The following PTK2B variants were observed in gnomAD, a reference collection of about 807,000 sequenced individuals.
PTK2B encodes protein tyrosine kinase 2 beta.
PTK2B carries 71 observed loss-of-function variants against 142.9 expected under a neutral mutation model. That is an observed-to-expected ratio of 0.50 (90% CI 0.41 to 0.61). PTK2B has a LOEUF of 0.61. Ranked by LOEUF, PTK2B falls within the 20% of genes least tolerant of loss-of-function variation. PTK2B has a pLI of 0.00. For synonymous variants in PTK2B, 519 were observed against 503.4 expected, an observed-to-expected ratio of 1.03 and a Z score of -0.42; for missense variants, 1,105 against 1,320.4, an observed-to-expected ratio of 0.84 and a Z score of 2.53.
At chr8:27,358,720 C>T (rs1351928073) in intron 1 of PTK2B, among the ~76,000 whole-genome samples, 1 of 151,990 alleles carries the variant, frequency 6.6e-6, no homozygotes, top group Non-Finnish European at 1.5e-5. Flanking sequence ...TTCATCTTTG[C>T]CTTTTCTCAC....
Position 27,362,771 on chromosome 8 carries a change from C to T in PTK2B, c.-37-34777C>T, listed in dbSNP as rs142352892. 1.6e-3 allele frequency among the ~76,000 whole-genome samples: 239 copies of T among 152,328 alleles called. 1 individual carries two copies. Among genetic ancestry groups the T allele is most frequent in the African/African-American group, 4.3e-3 (179 of 41,582 alleles). On this transcript the variant is annotated intron_variant, in intron 1 of 30. Coordinates refer to ENST00000346049, the MANE Select transcript of PTK2B (RefSeq NM_173176.3). ...ATGCAGGCAAAGAGCCGTTACCATG[C>T]AAAATCTAGAACTGTTCCCACGTGA...
At chr8:27,422,754 G>A (rs1446569642) in intron 5 of PTK2B, among the ~76,000 whole-genome samples, 1 of 152,204 alleles carries the variant, frequency 6.6e-6, no homozygotes, top group East Asian at 1.9e-4. Context: ...GTCTATCTGT[G>A]TTGCCCATTG....
At chr8:27,430,211 TC>T in intron 6 of PTK2B, 56 bp downstream of exon 6, 4 of 1,585,698 alleles carry the variant, frequency 2.5e-6, no homozygotes, top group Non-Finnish European at 3.5e-6. Context: ...TGTGTACTTT[TC>T]CTCCTCACCC....
chr8:27,321,352 C>T (rs1005612675), upstream of PTK2B, among the ~76,000 whole-genome samples: 8 of 152,108 alleles, frequency 5.3e-5, no homozygotes, highest in Non-Finnish European at 8.8e-5. Flanking sequence ...GTTGTGTGCA[C>T]GGTCAGAGAC....
chr8:27,347,340 A>G (rs4629818), intron 1 of PTK2B, among the ~76,000 whole-genome samples: 122,747 of 152,032 alleles, frequency 0.81, 50,186 homozygotes, highest in Middle Eastern at 0.87. Context: ...AGATCCACCC[A>G]CCTCGGCCTC....
chr8:27,440,514 A>G (rs1254105643), intron 21 of PTK2B, 73 bp downstream of exon 21: 7 of 1,519,608 alleles, frequency 4.6e-6, no homozygotes, highest in Non-Finnish European at 6.3e-6. Context: ...GCACACAGAG[A>G]GGTTTGCACC....
rs1435836520 is a variant in PTK2B, at chr8:27,363,411, T to G, written c.-37-34137T>G. Among the ~76,000 whole-genome samples, 1 of 152,054 alleles carries G rather than the reference T, an allele frequency of 6.6e-6. No homozygotes were observed. Among genetic ancestry groups the G allele is most frequent in the Admixed American group, 6.6e-5 (1 of 15,264 alleles). On this transcript the variant is annotated intron_variant, in intron 1 of 30. Coordinates refer to ENST00000346049, the MANE Select transcript of PTK2B (RefSeq NM_173176.3). The surrounding 1 kb of genome is among the most constrained non-coding windows in gnomAD (Gnocchi z 4.3). ...CCCAGGAAGTTACAGAAAAGTAGAT[T>G]TGGGATGAATATAAAGGAAGGTTTT...
chr8:27,325,987 T>C (rs908959550), intron 1 of PTK2B, among the ~76,000 whole-genome samples: 32 of 152,218 alleles, frequency 2.1e-4, no homozygotes, highest in Admixed American at 2.0e-3. Context: ...GGTGACGGTG[T>C]GAGGGCACAG....
chr8:27,393,951 A>T (rs1484574678), intron 1 of PTK2B, among the ~76,000 whole-genome samples: 2 of 152,174 alleles, frequency 1.3e-5, no homozygotes, highest in African/African-American at 4.8e-5. Context: ...CTGCATATAC[A>T]GTCACCTGTC....
At chr8:27,328,136 A>G (rs1220300624) in intron 1 of PTK2B, among the ~76,000 whole-genome samples, 1 of 152,174 alleles carries the variant, frequency 6.6e-6, no homozygotes, top group East Asian at 1.9e-4. Context: ...CAAGGGGTGG[A>G]GATATAACAC....
intron 1 of PTK2B, among the ~76,000 whole-genome samples, chr8:27,330,541 G>A (rs1015873912): frequency 1.6e-4 from 25 of 152,278 alleles, no homozygotes; most frequent in East Asian, 7.7e-4. Flanking sequence ...CATTTAAAGC[G>A]TTCAGAGAGC....
chr8:27,411,717 C>G (rs1809077265), intron 2 of PTK2B, among the ~76,000 whole-genome samples: 1 of 152,166 alleles, frequency 6.6e-6, no homozygotes, highest in South Asian at 2.1e-4. Flanking sequence ...TTCTGTGTGC[C>G]TAAAGGATTG....
At position 27,453,079 on chromosome 8, in the gene PTK2B, G is replaced by A. The variant is rs200915970; in HGVS notation, c.2549-35G>A. The A allele has an allele frequency of 6.2e-6, 10 of 1,612,670 alleles. No individual in the cohort carries two copies. The East Asian group carries it at 2.0e-4, about 32-fold the overall frequency. ...ACGAAGGGAAGGGTTGGAGTGCTGA[G>A]AACTGCCCCCCACTTGCTGTTCTTT... On this transcript the variant is annotated intron_variant, in intron 27 of 30. Transcript: ENST00000346049.
intron 1 of PTK2B, among the ~76,000 whole-genome samples, chr8:27,390,004 A>G (rs1807612269): frequency 6.6e-6 from 1 of 152,206 alleles, no homozygotes; most frequent in African/African-American, 2.4e-5. Flanking sequence ...CATCTTGTTG[A>G]TGTGGAAACA....
chr8:27,335,054 T>G (rs543655204), intron 1 of PTK2B, among the ~76,000 whole-genome samples: 1 of 152,320 alleles, frequency 6.6e-6, no homozygotes, highest in South Asian at 2.1e-4. Context: ...TAGGCAGCCT[T>G]GGCAGAGGGT....
intron 1 of PTK2B, among the ~76,000 whole-genome samples, chr8:27,358,535 A>G (rs2130709023): frequency 6.6e-6 from 1 of 152,212 alleles, no homozygotes; most frequent in Non-Finnish European, 1.5e-5. Flanking sequence ...CTTTATTTTT[A>G]ACTTTTGATG....
Position 27,404,932 on chromosome 8 carries a change from G to A in PTK2B, c.204+7144G>A, listed in dbSNP as rs1172573270. On this transcript the variant is annotated intron_variant, in intron 2 of 30. Transcript: ENST00000346049. ...TGAAAGGTAATTGGGCTTAGGTGAG[G>A]TCATGAGAGTGGGGGCCCTATAATG... Among the ~76,000 whole-genome samples, 5 of 152,126 alleles carry A rather than the reference G, an allele frequency of 3.3e-5. No individual in the cohort carries two copies. The East Asian group carries it at 9.7e-4, about 29-fold the overall frequency.
At chr8:27,433,929 T>G (rs1264201098) in intron 11 of PTK2B, among the ~76,000 whole-genome samples, 164 bp from the exon 12 acceptor site, 1 of 152,130 alleles carries the variant, frequency 6.6e-6, no homozygotes, top group African/African-American at 2.4e-5. Flanking sequence ...CCAAGGAGGA[T>G]TCCACTTCTG....
intron 2 of PTK2B, among the ~76,000 whole-genome samples, chr8:27,419,186 C>G (rs1809589346): frequency 1.3e-5 from 2 of 152,210 alleles, no homozygotes; most frequent in Non-Finnish European, 2.9e-5. Flanking sequence ...CTATTAACCT[C>G]CGGTTAACAA....
Sources: allele counts gnomAD v4.1 joint callset (sites outside exome capture counted in the v4.1 genomes callset), GRCh38; gene constraint gnomAD v4.1.1; non-coding constraint Gnocchi (gnomAD v3.1); transcripts MANE v1.5; gene names NCBI Gene and HGNC (gene_info 2026-07-23, HGNC 2026-07-21).